CIT: variants seen among roughly 807,000 people sequenced by gnomAD.
The protein encoded by CIT is citron rho-interacting serine/threonine kinase.
A neutral mutation model predicts 272.7 loss-of-function variants in CIT; 79 were observed. The ratio of observed to expected loss-of-function variants is 0.29; its 90% confidence interval spans 0.24 to 0.35. CIT has a LOEUF of 0.35. Among genes scored for constraint, CIT ranks in the 10% least tolerant of loss-of-function variants. The pLI is 1.00. For missense variants in CIT, 1,909 were observed against 2,618.3 expected, an observed-to-expected ratio of 0.73 and a Z score of 5.91; for synonymous variants, 948 against 995.6, an observed-to-expected ratio of 0.95 and a Z score of 0.90.
intron 20 of CIT, among the ~76,000 whole-genome samples, chr12:119,760,329 A>C (rs1244192648): frequency 1.3e-5 from 2 of 152,122 alleles, no homozygotes; most frequent in African/African-American, 4.8e-5. Flanking sequence ...CAAACAGGCA[A>C]GTAAAAAGAA....
At chr12:119,848,778 C>A (rs1315041865) in intron 5 of CIT, among the ~76,000 whole-genome samples, 4 of 152,138 alleles carry the variant, frequency 2.6e-5, no homozygotes, top group Non-Finnish European at 5.9e-5. Flanking sequence ...GTAATCCCAG[C>A]ACTTTGGAAG....
intron 5 of CIT, among the ~76,000 whole-genome samples, chr12:119,848,831 G>A (rs939602903): frequency 1.3e-5 from 2 of 152,058 alleles, no homozygotes; most frequent in Non-Finnish European, 2.9e-5. Context: ...TTCGAAACCA[G>A]CCTGGGCAAC....
chr12:119,821,418 G>A (rs1332307520), intron 9 of CIT, among the ~76,000 whole-genome samples: 1 of 152,160 alleles, frequency 6.6e-6, no homozygotes, highest in East Asian at 1.9e-4. Flanking sequence ...TATAACATAG[G>A]TATGTATGCA....
At position 119,720,571 on chromosome 12, in the gene CIT, A is replaced by T; in HGVS notation, c.3747T>A (p.His1249Gln). Residue 1249 changes from histidine to glutamine, a missense_variant, in exon 30 of 48, where the codon CAT becomes CAA. Coordinates refer to ENST00000392521, the MANE Select transcript of CIT (RefSeq NM_001206999.2). ...QLENIQVLYS[H>Q]EKVKMEGTIS... ...TAGTGCCTTCCATTTTCACCTTTTC[A>T]TGAGAATAGAGAACCTAAAATTCAA... is the stretch of plus-strand genomic sequence containing the variant. The T allele has an allele frequency of 6.2e-7, 1 of 1,605,732 alleles. No homozygotes were observed. The highest frequency in any genetic ancestry group is 8.5e-7 in the Non-Finnish European group (1 of 1,177,104).
Position 119,688,607 on chromosome 12 carries a change from C to T in CIT, c.6187-352G>A, listed in dbSNP as rs186698711. On this transcript the variant is annotated intron_variant, in intron 47 of 47. Coordinates refer to ENST00000392521, the MANE Select transcript of CIT (RefSeq NM_001206999.2). ...AGGTGGCATCAGAAGGAGAATGCCACCCAGAAAATCAGCCCCAAATGGCAG... is the reference window on the plus strand; with the variant it reads ...AGGTGGCATCAGAAGGAGAATGCCATCCAGAAAATCAGCCCCAAATGGCAG... 2.3e-3 allele frequency among the ~76,000 whole-genome samples: 345 copies of T among 152,324 alleles called. 4 individuals carry two copies. Among genetic ancestry groups the T allele is most frequent in the Non-Finnish European group, 1.9e-3 (126 of 68,032 alleles).
At chr12:119,746,762 GATTT>G (rs766612012) in intron 23 of CIT, among the ~76,000 whole-genome samples, 27 of 152,128 alleles carry the variant, frequency 1.8e-4, no homozygotes, top group Non-Finnish European at 1.6e-4. Context: ...TATGGCTTTT[GATTT>G]ATTACTGTTT....
chr12:119,868,344 GTTAA>G (rs905742706), intron 3 of CIT, among the ~76,000 whole-genome samples: 3 of 152,052 alleles, frequency 2.0e-5, no homozygotes, highest in African/African-American at 4.8e-5. Context: ...ATTTAATTCA[GTTAA>G]TTAAAAGTAA....
chr12:119,749,976 C>T (rs1469159631), intron 23 of CIT, among the ~76,000 whole-genome samples: 3 of 152,134 alleles, frequency 2.0e-5, no homozygotes, highest in African/African-American at 7.2e-5. Flanking sequence ...TCCAACAGAG[C>T]AGCAAGATAA....
At chr12:119,750,826 C>T (rs1056236464) in intron 23 of CIT, among the ~76,000 whole-genome samples, 4 of 151,980 alleles carry the variant, frequency 2.6e-5, no homozygotes, top group Non-Finnish European at 4.4e-5. Flanking sequence ...TGCATTACAT[C>T]GAGGTAAAGT....
chr12:119,789,958 C>T (rs11064908), intron 10 of CIT, among the ~76,000 whole-genome samples: 33,846 of 151,482 alleles, frequency 0.22, 4,092 homozygotes, highest in East Asian at 0.45. Context: ...TCATGATCTG[C>T]CCGCCTCAGC....
intron 3 of CIT, among the ~76,000 whole-genome samples, chr12:119,860,234 ACCCCACC>A (rs1379260450): frequency 2.6e-4 from 40 of 151,856 alleles, no homozygotes; most frequent in Non-Finnish European, 1.8e-4. Flanking sequence ...TCAGCCACAG[ACCCCACC>A]CCTCACTTCA....
At chr12:119,813,228 GAAGTGCTGGAAGGGT>G (rs542423325) in intron 9 of CIT, among the ~76,000 whole-genome samples, 57 of 152,296 alleles carry the variant, frequency 3.7e-4, no homozygotes, top group African/African-American at 1.3e-3. Context: ...TCAGAATTTT[GAAGTGCTGGAAGGGT>G]GGTCTTAGAT....
intron 10 of CIT, among the ~76,000 whole-genome samples, chr12:119,787,491 G>C (rs867241494): frequency 5.9e-5 from 9 of 151,340 alleles, no homozygotes; most frequent in Admixed American, 1.3e-4. Context: ...CAGCACTTTG[G>C]GGGGCCGAGG....
chr12:119,697,575 A>G lies in CIT; in HGVS notation c.5882+84T>C. Reference sequence around the variant, plus strand: ...AAGAACAAAGTGAAGATTGGGAAACATTCTACTGGTTTAGTATCACTTCCT... The same window carrying G: ...AAGAACAAAGTGAAGATTGGGAAACGTTCTACTGGTTTAGTATCACTTCCT... On this transcript the variant is annotated intron_variant, in intron 46 of 47. Coordinates refer to ENST00000392521, the MANE Select transcript of CIT (RefSeq NM_001206999.2). The surrounding 1 kb of genome is among the most constrained non-coding windows in gnomAD (Gnocchi z 4.9). The G allele has an allele frequency of 1.5e-6, 2 of 1,364,970 alleles. No individual in the cohort carries two copies. The highest frequency in any genetic ancestry group is 1.0e-6 in the Non-Finnish European group (1 of 994,646). 84.6% of individuals were successfully genotyped at this position (1,364,970 alleles called of 1,614,324 possible). A position where few individuals can be genotyped will look rare whatever the true frequency, so the allele number is the denominator to read the frequency against.
At chr12:119,854,407 G>A (rs1264383091) in intron 4 of CIT, among the ~76,000 whole-genome samples, 1 of 151,614 alleles carries the variant, frequency 6.6e-6, no homozygotes, top group Non-Finnish European at 1.5e-5. Flanking sequence ...AGAGGCTAAA[G>A]TGGGCAGATC....
chr12:119,823,055 T>C (rs983712566), intron 8 of CIT, 82 bp from the exon 9 acceptor site: 1 of 1,393,816 alleles, frequency 7.2e-7, no homozygotes, highest in South Asian at 1.4e-5. Context: ...GTATTTCTCA[T>C]ATATGCAAGT....
At position 119,877,250 on chromosome 12, in the gene CIT, C is replaced by G. The variant is rs2138457193; in HGVS notation, c.-15G>C. 1 of 152,390 alleles carries G rather than the reference C, an allele frequency of 6.6e-6. No individual in the cohort carries two copies. Among genetic ancestry groups the G allele is most frequent in the Non-Finnish European group, 1.5e-5 (1 of 68,090 alleles). The allele number at this position is 152,390 out of a possible 1,614,324, so 9.4% of individuals were successfully genotyped here. The stretch of plus-strand genomic sequence containing the variant: ...TTGGGTCTGGGGGATCAGACTCACG[C>G]TCTGCGAACCCCCAGGTCTGCGATC... On this transcript the variant is annotated splice_region_variant and 5_prime_UTR_variant, in exon 1 of 48. Transcript: ENST00000392521.
chr12:119,838,190 A>T (rs1165115999), intron 5 of CIT, among the ~76,000 whole-genome samples: 1 of 152,030 alleles, frequency 6.6e-6, no homozygotes, highest in African/African-American at 2.4e-5. Flanking sequence ...CTCCTGCCTC[A>T]GCCTCCGGAG....
At chr12:119,876,582 A>C (rs1354178351) in intron 1 of CIT, among the ~76,000 whole-genome samples, 1 of 152,182 alleles carries the variant, frequency 6.6e-6, no homozygotes, top group Non-Finnish European at 1.5e-5. Context: ...GTAAAAACAA[A>C]ATCGAGCAAG....
Sources: allele counts gnomAD v4.1 joint callset (sites outside exome capture counted in the v4.1 genomes callset), GRCh38; gene constraint gnomAD v4.1.1; non-coding constraint Gnocchi (gnomAD v3.1); transcripts MANE v1.5; gene names NCBI Gene and HGNC (gene_info 2026-07-23, HGNC 2026-07-21).